The following MMP10 variants were observed in gnomAD, a reference collection of about 807,000 sequenced individuals.
MMP10 encodes the protein stromelysin-2.
A neutral mutation model predicts 49.1 loss-of-function variants in MMP10; 50 were observed. The ratio of observed to expected loss-of-function variants is 1.02; its 90% CI spans 0.81 to 1.29. The LOEUF (loss-of-function observed/expected upper bound fraction) is 1.29, where lower values mean the gene tolerates loss of function less well. MMP10 is among the 50% of genes most tolerant of loss of function. The pLI is 0.00. For missense variants in MMP10, 613 were observed against 563.8 expected (o/e 1.09, Z -0.88); for synonymous variants, 229 against 201.6 (o/e 1.14, Z -1.15).
Position 102,774,731 on chromosome 11 carries a change from A to G in MMP10, c.1066+457T>C, listed in dbSNP as rs375067673. Among the ~76,000 whole-genome samples the G allele has an allele frequency of 1.4e-4, 22 of 152,286 alleles. No individual in the cohort carries two copies. The South Asian group carries it at 4.6e-3, about 32-fold the overall frequency. ...GATAAAGAAGCCTCTATACCTGAATATCTCCATTAGTTAATTTATCTCTCC... is the reference window on the plus strand; with the variant it reads ...GATAAAGAAGCCTCTATACCTGAATGTCTCCATTAGTTAATTTATCTCTCC... On this transcript the variant is annotated intron_variant, in intron 7 of 9. Transcript: ENST00000279441.
At position 102,779,688 on chromosome 11, in the gene MMP10, C is replaced by T. The variant is rs964227800; in HGVS notation, c.163G>A (p.Asp55Asn). The T allele has an allele frequency of 3.1e-6, 5 of 1,613,978 alleles. No individual in the cohort carries two copies. The highest frequency in any genetic ancestry group is 4.2e-6 in the Non-Finnish European group (5 of 1,179,968). The change falls in exon 2 of 10, where the codon GAC becomes AAC. Residue 55 changes from aspartate to asparagine, a missense_variant. Physicochemically the swap from Asp to Asn is conservative, Grantham distance 23 (BLOSUM62 1). Coordinates refer to ENST00000279441, the MANE Select transcript of MMP10 (RefSeq NM_002425.3). ...ATTTTTTTAACAATGAGATTACTGT[C>T]CTTTCTTCTAAACTGTTTCACATCC... Reference protein sequence around the residue: ...EKDVKQFRRKDSNLIVKKIQG... With the variant: ...EKDVKQFRRKNSNLIVKKIQG...
intron 6 of MMP10, 58 bp downstream of exon 6, chr11:102,776,222 C>G: frequency 2.0e-6 from 3 of 1,484,072 alleles, no homozygotes; most frequent in Non-Finnish European, 2.7e-6. Context: ...TTCTGTTTTT[C>G]TTTCTAAGCA....
intron 3 of MMP10, 32 bp downstream of exon 3, chr11:102,779,181 A>G (rs376808396): frequency 1.1e-4 from 170 of 1,610,392 alleles, no homozygotes; most frequent in Non-Finnish European, 1.3e-4. Flanking sequence ...ACAGATGAAT[A>G]CACCAGATAA....
At chr11:102,774,055 C>T (rs969619370) in intron 7 of MMP10, among the ~76,000 whole-genome samples, 1 of 151,872 alleles carries the variant, frequency 6.6e-6, no homozygotes, top group Admixed American at 6.6e-5. Flanking sequence ...GTGAGATTGC[C>T]AGAAATAAAT....
At chr11:102,774,693 A>G (rs1862004796) in intron 7 of MMP10, among the ~76,000 whole-genome samples, 1 of 152,216 alleles carries the variant, frequency 6.6e-6, no homozygotes, top group African/African-American at 2.4e-5. Context: ...TTGAAACAGT[A>G]GTTTAAAAGT....
At position 102,770,839 on chromosome 11, in the gene MMP10, C is replaced by A. The variant is rs1346171974; in HGVS notation, c.1385G>T (p.Arg462Met). ...ACTCTTTAATATGTGTGTCACCATC[C>A]TGGCATTGGGGTCAAACTCAAACTG... ...SSQFEFDPNA[R>M]MVTHILKSNS... Residue 462 changes from arginine (R) to methionine (M), a missense_variant, in exon 10 of 10, where the codon AGG becomes ATG. Coordinates refer to ENST00000279441, the MANE Select transcript of MMP10 (RefSeq NM_002425.3). 1 of 1,613,132 alleles carries A rather than the reference C, an allele frequency of 6.2e-7. No homozygotes were observed. Among genetic ancestry groups the A allele is most frequent in the African/African-American group, 1.3e-5 (1 of 74,998 alleles).
Position 102,779,247 on chromosome 11 carries a change from T to G in MMP10, c.462A>C (p.Gly154=), listed in dbSNP as rs749435144. ...TPLTFSRLYE[G]EADIMISFAV... Reference sequence around the variant, plus strand: ...CAAAAGAGATCATTATATCAGCCTCTCCTTCATACAGCCTGGAGAATGTGA... The same window carrying G: ...CAAAAGAGATCATTATATCAGCCTCGCCTTCATACAGCCTGGAGAATGTGA... Residue 154 remains glycine, a synonymous_variant, in exon 3 of 10, where the codon GGA becomes GGC. Coordinates refer to ENST00000279441, the MANE Select transcript of MMP10 (RefSeq NM_002425.3). The G allele has an allele frequency of 1.9e-6, 3 of 1,613,762 alleles. No homozygotes were observed. The Admixed American group carries it at 5.0e-5, about 27-fold the overall frequency.
rs17860974 is a variant in MMP10 at position 102,776,246 on chromosome 11, G to A, written c.932+34C>T. 1,901 of 1,586,146 alleles carry A rather than the reference G, an allele frequency of 1.2e-3. 3 individuals carry two copies. Among genetic ancestry groups the A allele is most frequent in the Non-Finnish European group, 1.6e-3 (1,831 of 1,164,820 alleles). On this transcript the variant is annotated intron_variant, in intron 6 of 9. Coordinates refer to ENST00000279441, the MANE Select transcript of MMP10 (RefSeq NM_002425.3). ...TCTTTCTAAGCACTGTACATCAAAA[G>A]AATAGATAGGAAAATATAATTTTCT...
Position 102,772,751 on chromosome 11 carries a change from G to T in MMP10, c.1226+96C>A. 1 of 1,287,052 alleles carries T rather than the reference G, an allele frequency of 7.8e-7. No homozygotes were observed. The highest frequency in any genetic ancestry group is 1.5e-5 in the South Asian group (1 of 65,094). The allele number at this position is 1,287,052 out of a possible 1,614,324, so 79.7% of individuals were successfully genotyped here. A position where few individuals can be genotyped will look rare whatever the true frequency, so the allele number is the denominator to read the frequency against. Reference sequence around the variant, plus strand: ...ATCATAAATTTTGAAGTTAGAGAAAGTTAGAGGGTGGGTGTAGGGTAGGGA... The same window carrying T: ...ATCATAAATTTTGAAGTTAGAGAAATTTAGAGGGTGGGTGTAGGGTAGGGA... On this transcript the variant is annotated intron_variant, in intron 8 of 9. Transcript: ENST00000279441. This position sits in a 1 kb window ranked among gnomAD's most constrained non-coding sequence, Gnocchi z 4.4.
In MMP10 at chr11:102,779,626, T is replaced by G. The variant is rs1353090563; in HGVS notation, c.225A>C (p.Thr75=). 6.2e-7 allele frequency: 1 copy of G among 1,614,104 alleles called. No individual in the cohort carries two copies. Among genetic ancestry groups the G allele is most frequent in the African/African-American group, 1.3e-5 (1 of 75,056 alleles). Residue 75 remains threonine (T), a synonymous_variant, in exon 2 of 10, where the codon ACA becomes ACC. Transcript: ENST00000279441. The part of the protein sequence containing the change: ...GMQKFLGLEV[T]GKLDTDTLEV... ...CCAGAGTGTCAGTGTCTAGCTTCCC[T>G]GTCACCTCCAACCCAAGGAACTTCT...
Position 102,778,632 on chromosome 11 carries a change from T to C in MMP10, c.614A>G (p.Asp205Gly), listed in dbSNP as rs757659706. 3.1e-6 allele frequency: 5 copies of C among 1,613,824 alleles called. No homozygotes were observed. The Admixed American group carries it at 6.7e-5, about 22-fold the overall frequency. ...HFDDDEKWTE[D>G]ASGTNLFLVA... ...AGAGGTTTACGACCCACCTGATGCA[T>C]CTTCTGTCCATTTTTCATCATCATC... is the stretch of plus-strand genomic sequence containing the variant. The change falls in exon 4 of 10, where the codon GAT becomes GGT. Residue 205 changes from aspartate to glycine, a missense_variant. Physicochemically the swap from Asp to Gly is moderately conservative, Grantham distance 94. Transcript: ENST00000279441.
intron 9 of MMP10, among the ~76,000 whole-genome samples, chr11:102,771,417 A>G (rs1463375772): frequency 2.0e-5 from 3 of 152,194 alleles, no homozygotes; most frequent in Admixed American, 2.0e-4. Flanking sequence ...CATCAGCCTC[A>G]TGACCATTGG....
chr11:102,778,135 A>G (rs1307138883), intron 4 of MMP10, among the ~76,000 whole-genome samples: 2 of 152,246 alleles, frequency 1.3e-5, no homozygotes, highest in African/African-American at 4.8e-5. Flanking sequence ...CATCTAAGCT[A>G]GAGACAGTGA....
chr11:102,777,090 G>A (rs1488398519), intron 4 of MMP10, among the ~76,000 whole-genome samples: 2 of 151,946 alleles, frequency 1.3e-5, no homozygotes, highest in Non-Finnish European at 1.5e-5. Context: ...TTTTTGAAAG[G>A]ACAAGACTAA....
intron 6 of MMP10, among the ~76,000 whole-genome samples, 184 bp downstream of exon 6, chr11:102,776,096 A>G (rs1170314333): frequency 6.6e-6 from 1 of 152,142 alleles, no homozygotes; most frequent in Non-Finnish European, 1.5e-5. Context: ...TACTAGGATT[A>G]GTACTGGGGT....
At chr11:102,774,352 A>G (rs1862001868) in intron 7 of MMP10, among the ~76,000 whole-genome samples, 1 of 152,110 alleles carries the variant, frequency 6.6e-6, no homozygotes, top group Non-Finnish European at 1.5e-5. Flanking sequence ...AACAATAAAG[A>G]TATGAACAGA....
intron 7 of MMP10, among the ~76,000 whole-genome samples, chr11:102,774,893 G>A (rs1206527631): frequency 6.6e-6 from 1 of 152,132 alleles, no homozygotes; most frequent in Non-Finnish European, 1.5e-5. Context: ...AAACTAATTT[G>A]TCAAGTTCCA....
chr11:102,772,955 C>T lies in MMP10; in HGVS notation c.1118G>A (p.Arg373Lys), dbSNP rs754035907. 1 of 1,613,542 alleles carries T rather than the reference C, an allele frequency of 6.2e-7. No homozygotes were observed. Among genetic ancestry groups the T allele is most frequent in the East Asian group, 2.2e-5 (1 of 44,850 alleles). Residue 373 changes from arginine to lysine, a missense_variant, in exon 8 of 10, where the codon AGA (arginine) becomes AAA (lysine). Arg to Lys is a conservative substitution (Grantham distance 26, BLOSUM62 2). Coordinates refer to ENST00000279441, the MANE Select transcript of MMP10 (RefSeq NM_002425.3). This position sits in a 1 kb window ranked among gnomAD's most constrained non-coding sequence, Gnocchi z 4.4. ...RGNEVQAGYP[R>K]GIHTLGFPPT... is the part of the protein sequence containing the mutation. ...AGGAAAACCCAGGGTATGGATGCCT[C>T]TTGGATAACCTGCTTGTACCTCATT...
At position 102,778,737 on chromosome 11, in the gene MMP10, A is replaced by G. The variant is rs372152001; in HGVS notation, c.509T>C (p.Phe170Ser). ...GTGTCCTGGGCCATCAAAAGAGTAA[A>G]AGTCTCCATGTTCTGATAGGGAACA... ...ISFAVKEHGD[F>S]YSFDGPGHSL... Residue 170 changes from phenylalanine (F) to serine (S), a missense_variant, in exon 4 of 10, where the codon TTT becomes TCT. By Grantham distance (155) the Phe-to-Ser change is radical. Transcript: ENST00000279441. The G allele has an allele frequency of 7.4e-6, 12 of 1,613,756 alleles. No individual in the cohort carries two copies. In the African/African-American group the frequency reaches 1.5e-4, roughly 20 times the overall value.
Sources: gnomAD v4.1 joint callset for allele counts (sites outside exome capture counted in the v4.1 genomes callset) on GRCh38, gnomAD v4.1.1 for gene constraint, Gnocchi (gnomAD v3.1) non-coding constraint, MANE v1.5 for transcripts, NCBI Gene and HGNC (gene_info 2026-07-23, HGNC 2026-07-21) for gene names.